Variants in WDFY3 observed in about 807,000 individuals in gnomAD.
WDFY3 encodes the protein WD repeat and FYVE domain-containing protein 3.
Under a neutral mutation model 409.6 loss-of-function variants are expected in WDFY3, and 66 were observed. The ratio of observed to expected loss-of-function variants is 0.16; its 90% confidence interval spans 0.13 to 0.20. The LOEUF is 0.20. Ranked by LOEUF, WDFY3 falls within the 10% of genes least tolerant of loss-of-function variation. The probability of loss-of-function intolerance (pLI) is 1.00; values close to 1 mark genes in which losing one functional copy is unlikely to be tolerated. For synonymous variants in WDFY3, 1,521 were observed against 1,537.1 expected (o/e 0.99, Z 0.25); for missense variants, 3,031 against 4,298.1 (o/e 0.71, Z 8.24).
intron 1 of WDFY3, among the ~76,000 whole-genome samples, chr4:84,961,307 C>T (rs148675916): frequency 6.6e-6 from 1 of 151,596 alleles, no homozygotes; most frequent in East Asian, 1.9e-4. Flanking sequence ...AAGAACAATT[C>T]AATGAGTTTA....
At chr4:84,885,330 A>ATGTGTGTG (rs70943380) in intron 3 of WDFY3, among the ~76,000 whole-genome samples, 489 of 145,654 alleles carry the variant, frequency 3.4e-3, no homozygotes, top group Non-Finnish European at 4.1e-3. Flanking sequence ...ACATATACAT[A>ATGTGTGTG]TGTGTGTGTG....
intron 46 of WDFY3, among the ~76,000 whole-genome samples, chr4:84,722,705 C>CCAATTAATTTGGCATTAATTA (rs1735040592): frequency 1.3e-5 from 2 of 152,190 alleles, no homozygotes; most frequent in Non-Finnish European, 2.9e-5. Context: ...CCAAATCACA[C>CCAATTAATTTGGCATTAATTA]ATTTTGATTA....
chr4:84,899,060 C>A lies in WDFY3; in HGVS notation c.-131-2050G>T, dbSNP rs543590378. ...TGAGTATAGAGTATATCCAGCTATA[C>A]CCAATTTCTAGGATACGATCAACTG... On this transcript the variant is annotated intron_variant, in intron 2 of 67. Transcript: ENST00000295888. Among the ~76,000 whole-genome samples, 18 of 152,278 alleles carry A rather than the reference C, an allele frequency of 1.2e-4. No homozygotes were observed. The South Asian group carries it at 3.7e-3, about 32-fold the overall frequency.
intron 29 of WDFY3, among the ~76,000 whole-genome samples, chr4:84,773,270 T>C (rs1744984198): frequency 6.6e-6 from 1 of 152,214 alleles, no homozygotes; most frequent in African/African-American, 2.4e-5. Flanking sequence ...CCATCCCAAG[T>C]AACATTATAT....
At chr4:84,910,521 G>T (rs1242565978) in intron 2 of WDFY3, among the ~76,000 whole-genome samples, 2 of 152,044 alleles carry the variant, frequency 1.3e-5, no homozygotes, top group Admixed American at 1.3e-4. Flanking sequence ...CACATATATG[G>T]CCAACTGATT....
chr4:84,817,901 A>C (rs1753537154), intron 12 of WDFY3, among the ~76,000 whole-genome samples: 1 of 152,166 alleles, frequency 6.6e-6, no homozygotes, highest in African/African-American at 2.4e-5. Flanking sequence ...TATTGTAATC[A>C]ACTTATGTAA....
chr4:84,956,973 G>A (rs574546577), intron 1 of WDFY3, among the ~76,000 whole-genome samples: 3 of 148,026 alleles, frequency 2.0e-5, no homozygotes, highest in African/African-American at 5.0e-5. Flanking sequence ...GGTGACAATG[G>A]TTTTCTTAAA....
At chr4:84,801,905 A>G in intron 16 of WDFY3, 41 bp from the exon 17 acceptor site, 1 of 1,576,350 alleles carries the variant, frequency 6.3e-7, no homozygotes, top group South Asian at 1.1e-5. Flanking sequence ...GGTCATTCTT[A>G]GTGAGAAAGA....
intron 2 of WDFY3, among the ~76,000 whole-genome samples, chr4:84,911,706 G>T (rs1292105073): frequency 6.6e-6 from 1 of 151,984 alleles, no homozygotes; most frequent in Admixed American, 6.5e-5. Flanking sequence ...AAAAAATTAA[G>T]AAAAAAGTAA....
At chr4:84,827,111 A>G in intron 9 of WDFY3, 130 bp from the exon 10 acceptor site, 1 of 892,316 alleles carries the variant, frequency 1.1e-6, no homozygotes, top group Non-Finnish European at 1.6e-6. Context: ...CTGAAAGAAC[A>G]CTGGGGTCAT....
chr4:84,703,061 C>A (rs1251573009), intron 55 of WDFY3, among the ~76,000 whole-genome samples: 2 of 151,084 alleles, frequency 1.3e-5, no homozygotes, highest in African/African-American at 4.9e-5. Context: ...CGTGCCACTG[C>A]ACTCCAGCCT....
chr4:84,776,853 A>G (rs1458012961), intron 27 of WDFY3, among the ~76,000 whole-genome samples: 3 of 152,116 alleles, frequency 2.0e-5, no homozygotes, highest in African/African-American at 7.2e-5. Context: ...CCTTGAATAA[A>G]TGATACGATT....
At chr4:84,828,051 G>A (rs1262008324) in intron 9 of WDFY3, among the ~76,000 whole-genome samples, 2 of 146,030 alleles carry the variant, frequency 1.4e-5, no homozygotes, top group East Asian at 2.2e-4. Context: ...CTGCACTCCA[G>A]CCTGGGAACA....
chr4:84,777,710 G>A (rs982938529), intron 27 of WDFY3, among the ~76,000 whole-genome samples: 8 of 151,960 alleles, frequency 5.3e-5, no homozygotes, highest in South Asian at 4.2e-4. Flanking sequence ...ACAAGAGTTC[G>A]CAAATATTAA....
At chr4:84,698,677 T>A (rs1730556402) in intron 56 of WDFY3, among the ~76,000 whole-genome samples, 1 of 151,834 alleles carries the variant, frequency 6.6e-6, no homozygotes, top group African/African-American at 2.4e-5. Context: ...GAAAAAAAAA[T>A]CCAAGTGCTT....
At chr4:84,728,168 T>C (rs181040953) in intron 44 of WDFY3, among the ~76,000 whole-genome samples, 307 of 152,252 alleles carry the variant, frequency 2.0e-3, no homozygotes, top group Admixed American at 4.0e-3. Context: ...CATATGAAAG[T>C]GAAGAAAACG....
At chr4:84,852,120 G>C (rs1759111337) in intron 4 of WDFY3, among the ~76,000 whole-genome samples, 1 of 152,078 alleles carries the variant, frequency 6.6e-6, no homozygotes, top group Non-Finnish European at 1.5e-5. Flanking sequence ...TTTGCACTTT[G>C]GGGCCATTAT....
intron 1 of WDFY3, among the ~76,000 whole-genome samples, chr4:84,950,738 G>A (rs988866953): frequency 9.2e-5 from 14 of 152,072 alleles, no homozygotes; most frequent in Admixed American, 8.5e-4. Flanking sequence ...TGCAGTGAGC[G>A]GAGATAGCAT....
At chr4:84,796,853 A>G in intron 18 of WDFY3, 101 bp from the exon 19 acceptor site, 1 of 983,402 alleles carries the variant, frequency 1.0e-6, no homozygotes, top group Non-Finnish European at 1.5e-6. Flanking sequence ...TTCAATAGAC[A>G]ATAATTTTTT....
Sources: allele counts gnomAD v4.1 joint callset (sites outside exome capture counted in the v4.1 genomes callset), GRCh38; gene constraint gnomAD v4.1.1; transcripts MANE v1.5; gene names NCBI Gene and HGNC (gene_info 2026-07-23, HGNC 2026-07-21).